The following XKR4 variants were observed in gnomAD, a reference collection of about 807,000 sequenced individuals.
XKR4 encodes XK related 4.
Under a neutral mutation model 53.9 loss-of-function variants are expected in XKR4, and 12 were observed. The observed-to-expected ratio is 0.22, with a 90% CI of 0.14 to 0.36. The LOEUF (loss-of-function observed/expected upper bound fraction) is 0.36. XKR4 is among the 10% of genes least tolerant of loss of function. The probability of loss-of-function intolerance (pLI) is 1.00; values close to 1 mark genes in which losing one functional copy is unlikely to be tolerated. For synonymous variants in XKR4, 354 were observed against 362.4 expected, an observed-to-expected ratio of 0.98 and a Z score of 0.26; for missense variants, 799 against 859.5, an observed-to-expected ratio of 0.93 and a Z score of 0.88.
chr8:55,245,693 G>A (rs1472615695), intron 1 of XKR4, among the ~76,000 whole-genome samples: 1 of 152,134 alleles, frequency 6.6e-6, no homozygotes, highest in Non-Finnish European at 1.5e-5. Context: ...GAGGAACTGA[G>A]GACCCCTGTT....
chr8:55,359,813 G>A (rs1035039208), intron 2 of XKR4, among the ~76,000 whole-genome samples: 3 of 152,100 alleles, frequency 2.0e-5, no homozygotes, highest in African/African-American at 7.2e-5. Context: ...AAAAAAAAAT[G>A]AGGAAAATGC....
At chr8:55,447,076 A>C (rs1585577464) in intron 2 of XKR4, among the ~76,000 whole-genome samples, 1 of 150,766 alleles carries the variant, frequency 6.6e-6, no homozygotes, top group South Asian at 2.1e-4. Flanking sequence ...AAAAAAGCAG[A>C]GGTTAGGAGT....
intron 1 of XKR4, among the ~76,000 whole-genome samples, chr8:55,209,849 C>G (rs916292610): frequency 1.1e-4 from 17 of 152,202 alleles, no homozygotes; most frequent in African/African-American, 4.1e-4. Flanking sequence ...AATGGACAGA[C>G]CAGTATGAGA....
intron 2 of XKR4, among the ~76,000 whole-genome samples, chr8:55,460,974 G>A (rs1805647646): frequency 6.6e-6 from 1 of 152,242 alleles, no homozygotes; most frequent in South Asian, 2.1e-4. Context: ...GGTAAACAAA[G>A]TGGCCTGGAA....
intron 1 of XKR4, among the ~76,000 whole-genome samples, chr8:55,110,738 C>T (rs117795853): frequency 0.016 from 2,431 of 152,252 alleles, 27 homozygotes; most frequent in Middle Eastern, 0.048. Context: ...AGGTATTTTT[C>T]ATTGAATTCT....
chr8:55,239,961 A>C (rs1020567212), intron 1 of XKR4, among the ~76,000 whole-genome samples: 3 of 152,162 alleles, frequency 2.0e-5, no homozygotes, highest in African/African-American at 4.8e-5. Context: ...TGCCACCACC[A>C]GGCTGAACTA....
At chr8:55,384,837 G>A (rs1804287003) in intron 2 of XKR4, among the ~76,000 whole-genome samples, 1 of 152,188 alleles carries the variant, frequency 6.6e-6, no homozygotes, top group Non-Finnish European at 1.5e-5. Flanking sequence ...TGACTCTTTA[G>A]CAAATACACT....
chr8:55,150,894 C>T (rs914148148), intron 1 of XKR4, among the ~76,000 whole-genome samples: 2 of 152,160 alleles, frequency 1.3e-5, no homozygotes, highest in Non-Finnish European at 2.9e-5. Context: ...TGAATGAACA[C>T]ATTTGTCTAC....
intron 2 of XKR4, among the ~76,000 whole-genome samples, chr8:55,364,622 T>C (rs554211987): frequency 6.6e-6 from 1 of 150,816 alleles, no homozygotes; most frequent in South Asian, 2.1e-4. Context: ...TTGTTTTGTT[T>C]TGTTTTGTTG....
Position 55,102,388 on chromosome 8 carries a change from C to T in XKR4, c.-101C>T. The T allele has an allele frequency of 1.4e-6, 2 of 1,383,176 alleles. No homozygotes were observed. The highest frequency in any genetic ancestry group is 3.1e-5 in the East Asian group (1 of 31,880). The allele number at this position is 1,383,176 out of a possible 1,614,324, so 85.7% of individuals were successfully genotyped here. A position where few individuals can be genotyped will look rare whatever the true frequency, so the allele number is the denominator to read the frequency against. ...AGCAGGAGGAGGGGGAGCCGCACCG[C>T]CTGGGAGGGAAGCCGGGGCGAGGCG... On this transcript the variant is annotated 5_prime_UTR_variant, in exon 1 of 3. Coordinates refer to ENST00000327381, the MANE Select transcript of XKR4 (RefSeq NM_052898.2). This position sits in a 1 kb window ranked among gnomAD's most constrained non-coding sequence, Gnocchi z 5.1.
rs114463822 is a variant in XKR4, at chr8:55,331,677, C to A, written c.807-26001C>A. 3.0e-3 allele frequency among the ~76,000 whole-genome samples: 463 copies of A among 152,192 alleles called. 2 individuals carry two copies. Among genetic ancestry groups the A allele is most frequent in the African/African-American group, 0.011 (454 of 41,536 alleles). On this transcript the variant is annotated intron_variant, in intron 1 of 2. Coordinates refer to ENST00000327381, the MANE Select transcript of XKR4 (RefSeq NM_052898.2). ...GTTAAATCTGTTTGATAAATTGACC[C>A]TTTATCATTACATAAGGTCCTTTTC...
At chr8:55,369,330 C>A (rs1804035899) in intron 2 of XKR4, among the ~76,000 whole-genome samples, 1 of 131,830 alleles carries the variant, frequency 7.6e-6, no homozygotes, top group South Asian at 2.7e-4. Context: ...GCCTAGGGCA[C>A]AAGCATGATG....
intron 1 of XKR4, among the ~76,000 whole-genome samples, chr8:55,306,565 T>A (rs1355680281): frequency 6.6e-6 from 1 of 151,966 alleles, no homozygotes; most frequent in East Asian, 1.9e-4. Flanking sequence ...CAGCAGGAAA[T>A]AAAGAGCTTG....
intron 2 of XKR4, among the ~76,000 whole-genome samples, chr8:55,506,135 G>A (rs1337787393): frequency 2.0e-5 from 3 of 152,166 alleles, no homozygotes; most frequent in Non-Finnish European, 4.4e-5. Flanking sequence ...TCCTTTCAGA[G>A]GTTTTTTGTG....
At chr8:55,383,249 G>C (rs1243094126) in intron 2 of XKR4, among the ~76,000 whole-genome samples, 1 of 152,170 alleles carries the variant, frequency 6.6e-6, no homozygotes, top group Non-Finnish European at 1.5e-5. Context: ...ATAAATAAAA[G>C]AGACTGAAAG....
At chr8:55,479,839 A>C (rs1233820435) in intron 2 of XKR4, among the ~76,000 whole-genome samples, 1 of 152,148 alleles carries the variant, frequency 6.6e-6, no homozygotes, top group Non-Finnish European at 1.5e-5. Context: ...CTCTCCCAAG[A>C]CTAAACCAAG....
chr8:55,248,751 A>C (rs1818325684), intron 1 of XKR4, among the ~76,000 whole-genome samples: 1 of 152,152 alleles, frequency 6.6e-6, no homozygotes. Context: ...ATGTAAGTTA[A>C]ACTTTTTTTT....
intron 1 of XKR4, among the ~76,000 whole-genome samples, chr8:55,338,274 T>C (rs1343859242): frequency 2.6e-5 from 4 of 152,176 alleles, no homozygotes; most frequent in African/African-American, 9.7e-5. Flanking sequence ...GTGAGAAAAA[T>C]AAAGTTATTG....
intron 1 of XKR4, among the ~76,000 whole-genome samples, chr8:55,247,533 A>G (rs924256596): frequency 6.6e-6 from 1 of 152,214 alleles, no homozygotes; most frequent in Non-Finnish European, 1.5e-5. Context: ...ATTTGAGCCC[A>G]TATGACCAAC....
Sources: gnomAD v4.1 joint callset for allele counts (sites outside exome capture counted in the v4.1 genomes callset) on GRCh38, gnomAD v4.1.1 for gene constraint, Gnocchi (gnomAD v3.1) non-coding constraint, MANE v1.5 for transcripts, NCBI Gene and HGNC (gene_info 2026-07-23, HGNC 2026-07-21) for gene names.